The following EBF1 variants were observed in gnomAD, a reference collection of about 807,000 sequenced individuals.
The protein encoded by EBF1 is transcription factor COE1.
A neutral mutation model predicts 68.4 loss-of-function variants in EBF1; 10 were observed. The observed-to-expected ratio is 0.15, with a 90% CI of 0.09 to 0.25. The LOEUF (loss-of-function observed/expected upper bound fraction) is 0.25. Ranked by LOEUF, EBF1 falls within the 10% of genes least tolerant of loss-of-function variation. The probability of loss-of-function intolerance (pLI) is 1.00; values close to 1 mark genes in which losing one functional copy is unlikely to be tolerated. For synonymous variants in EBF1, 298 were observed against 299.8 expected (o/e 0.99, Z 0.06); for missense variants, 509 against 794.4 (o/e 0.64, Z 4.32).
intron 11 of EBF1, among the ~76,000 whole-genome samples, chr5:158,714,497 A>G (rs192500992): frequency 2.2e-4 from 33 of 148,066 alleles, no homozygotes; most frequent in Admixed American, 5.3e-4. Flanking sequence ...GATTACTACA[A>G]TTGATGTCAT....
At chr5:158,838,761 C>T (rs1789461015) in intron 7 of EBF1, among the ~76,000 whole-genome samples, 1 of 152,222 alleles carries the variant, frequency 6.6e-6, no homozygotes, top group African/African-American at 2.4e-5. Flanking sequence ...TCAATCTACA[C>T]TTAAAGCTGA....
chr5:158,787,515 G>A (rs1353172203), intron 9 of EBF1, among the ~76,000 whole-genome samples: 2 of 152,052 alleles, frequency 1.3e-5, no homozygotes, highest in Non-Finnish European at 2.9e-5. Context: ...TGAATTTTAG[G>A]GAGTTGAGAT....
At chr5:158,979,955 CCACAAGT>C (rs1757573199) in intron 6 of EBF1, among the ~76,000 whole-genome samples, 1 of 152,194 alleles carries the variant, frequency 6.6e-6, no homozygotes, top group South Asian at 2.1e-4. Flanking sequence ...TTTCCTCTAC[CCACAAGT>C]CACTGGGAGT....
chr5:158,837,005 C>T (rs1290511112), intron 7 of EBF1, among the ~76,000 whole-genome samples: 1 of 152,200 alleles, frequency 6.6e-6, no homozygotes, highest in Non-Finnish European at 1.5e-5. Context: ...TGCTGGGCAG[C>T]TCTCACACTT....
intron 8 of EBF1, among the ~76,000 whole-genome samples, chr5:158,804,828 T>G (rs949877959): frequency 6.6e-6 from 1 of 152,128 alleles, no homozygotes; most frequent in Non-Finnish European, 1.5e-5. Flanking sequence ...TTGTCATCAG[T>G]TCTTTGGGTT....
At chr5:158,864,223 CAAA>C (rs34498854) in intron 6 of EBF1, among the ~76,000 whole-genome samples, 8 of 58,606 alleles carry the variant, frequency 1.4e-4, no homozygotes, top group African/African-American at 3.8e-4. Flanking sequence ...GACTCTGTCT[CAAA>C]AAAAAAAAAA....
chr5:158,807,180 G>C (rs899518714), intron 8 of EBF1, among the ~76,000 whole-genome samples: 2 of 152,018 alleles, frequency 1.3e-5, no homozygotes, highest in Non-Finnish European at 1.5e-5. Flanking sequence ...ACAATATAGG[G>C]GGTGCCCTCC....
At chr5:158,879,742 ATTTGAG>A (rs1374973260) in intron 6 of EBF1, among the ~76,000 whole-genome samples, 1 of 152,196 alleles carries the variant, frequency 6.6e-6, no homozygotes, top group Non-Finnish European at 1.5e-5. Context: ...GTTGTAGGCA[ATTTGAG>A]TTTATTAGAG....
In EBF1 at chr5:158,711,929, T is replaced by C. The variant is rs547571669; in HGVS notation, c.1549+225A>G. ...ACAGCTGCTTTGGATGGTAGCAACA[T>C]TCTGACTGTTAGGGAGACTTTGTAG... is the stretch of plus-strand genomic sequence containing the variant. On this transcript the variant is annotated intron_variant, in intron 14 of 15. Transcript: ENST00000313708. Among the ~76,000 whole-genome samples the C allele has an allele frequency of 1.5e-3, 229 of 152,250 alleles. 2 individuals carry two copies. Among genetic ancestry groups the C allele is most frequent in the African/African-American group, 5.3e-3 (219 of 41,546 alleles).
intron 5 of EBF1, among the ~76,000 whole-genome samples, chr5:159,074,523 C>T (rs537213177): frequency 4.6e-5 from 7 of 152,300 alleles, no homozygotes; most frequent in East Asian, 1.9e-4. Flanking sequence ...TACACACATA[C>T]GCGCACACTT....
chr5:158,709,608 G>A (rs1329457611), intron 14 of EBF1, among the ~76,000 whole-genome samples: 1 of 152,214 alleles, frequency 6.6e-6, no homozygotes, highest in Non-Finnish European at 1.5e-5. Context: ...AGGGGAAAAT[G>A]ACCCCTTCTA....
chr5:158,714,028 A>G (rs142759501), intron 12 of EBF1, 89 bp downstream of exon 12: 4 of 1,378,614 alleles, frequency 2.9e-6, no homozygotes, highest in East Asian at 4.6e-5. Context: ...TGGCTTTTAT[A>G]TTGTTTGTGC....
rs114578649 is a variant in EBF1, at chr5:158,781,924, C to T, written c.910-4385G>A. 3.0e-3 allele frequency among the ~76,000 whole-genome samples: 461 copies of T among 152,224 alleles called. 3 individuals are homozygous for T. Among genetic ancestry groups the T allele is most frequent in the African/African-American group, 0.01 (435 of 41,562 alleles). On this transcript the variant is annotated intron_variant, in intron 9 of 15. Transcript: ENST00000313708. ...ACCAAACCCTCAGCTGCCCCCTTTG[C>T]CTATTACATAGTTCAAACTCCTTGA...
At position 159,099,517 on chromosome 5, in the gene EBF1, G is replaced by C; in HGVS notation, c.-39C>G. Reference sequence around the variant, plus strand: ...TCTTGTGGAAAATCTCCTCCCCCTTGAAAAAAATTAAAAAAAAAAAAAAAG... The same window carrying C: ...TCTTGTGGAAAATCTCCTCCCCCTTCAAAAAAATTAAAAAAAAAAAAAAAG... On this transcript the variant is annotated 5_prime_UTR_variant, in exon 1 of 16. Coordinates refer to ENST00000313708, the MANE Select transcript of EBF1 (RefSeq NM_024007.5). The C allele has an allele frequency of 5.6e-6, 6 of 1,070,434 alleles. No homozygotes were observed. Among genetic ancestry groups the C allele is most frequent in the East Asian group, 4.1e-5 (1 of 24,290 alleles). The allele number at this position is 1,070,434 out of a possible 1,614,324, so 66.3% of individuals were successfully genotyped here.
At chr5:158,735,435 T>C (rs1026071329) in intron 10 of EBF1, among the ~76,000 whole-genome samples, 4 of 152,210 alleles carry the variant, frequency 2.6e-5, no homozygotes, top group Non-Finnish European at 5.9e-5. Context: ...TGAACCCACA[T>C]AGTAGGACTT....
rs753012935 is a variant in EBF1 at position 158,698,586 on chromosome 5, G to A, written c.*525C>T. On this transcript the variant is annotated 3_prime_UTR_variant, in exon 16 of 16. Coordinates refer to ENST00000313708, the MANE Select transcript of EBF1 (RefSeq NM_024007.5). ...TGATATGCTTTAAGGCGCAAAAGCCGACCCTTAGTTTTTCTAAAAAATCTA... is the reference window on the plus strand; with the variant it reads ...TGATATGCTTTAAGGCGCAAAAGCCAACCCTTAGTTTTTCTAAAAAATCTA... The A allele has an allele frequency of 1.6e-4, 36 of 218,448 alleles. No homozygotes were observed. The highest frequency in any genetic ancestry group is 8.7e-4 in the East Asian group (13 of 14,962). The allele number at this position is 218,448 out of a possible 1,614,324, so 13.5% of individuals were successfully genotyped here.
chr5:158,817,624 C>T (rs1414727750), intron 8 of EBF1, among the ~76,000 whole-genome samples: 1 of 152,172 alleles, frequency 6.6e-6, no homozygotes, highest in Non-Finnish European at 1.5e-5. Flanking sequence ...AGAAAACAGA[C>T]TAAGACACCT....
intron 6 of EBF1, chr5:158,987,138 G>A (rs1053468790): frequency 1.3e-5 from 2 of 152,192 alleles, no homozygotes; most frequent in African/African-American, 4.8e-5. Context: ...AGATAAAGTA[G>A]ACATGTATTC....
intron 6 of EBF1, among the ~76,000 whole-genome samples, chr5:159,024,997 G>T (rs540138022): frequency 6.6e-6 from 1 of 152,206 alleles, no homozygotes; most frequent in African/African-American, 2.4e-5. Context: ...GGCTGTGAAG[G>T]CATTTCAGCT....
Sources: allele counts gnomAD v4.1 joint callset (sites outside exome capture counted in the v4.1 genomes callset), GRCh38; gene constraint gnomAD v4.1.1; transcripts MANE v1.5; gene names NCBI Gene and HGNC (gene_info 2026-07-23, HGNC 2026-07-21).